The following CSMD1 variants were observed in gnomAD, a reference collection of about 807,000 sequenced individuals.
CSMD1 encodes the protein CUB and sushi domain-containing protein 1.
Under a neutral mutation model 417.5 loss-of-function variants are expected in CSMD1, and 213 were observed. The ratio of observed to expected loss-of-function variants is 0.51; its 90% CI spans 0.46 to 0.57. The LOEUF (loss-of-function observed/expected upper bound fraction) is 0.57. Among genes scored for constraint, CSMD1 ranks in the 20% least tolerant of loss-of-function variants. The pLI, the probability that CSMD1 is intolerant of heterozygous loss-of-function variation, is 0.00. For missense variants in CSMD1, 6,923 were observed against 4,529.7 expected (o/e 1.53, Z -15.17); for synonymous variants, 2,862 against 1,736.8 (o/e 1.65, Z -16.11).
chr8:4,246,096 G>A (rs1332281819), intron 3 of CSMD1, among the ~76,000 whole-genome samples: 1 of 152,028 alleles, frequency 6.6e-6, no homozygotes, highest in Non-Finnish European at 1.5e-5. Flanking sequence ...TATGTCATGG[G>A]AGTTTGTTGT....
chr8:3,219,459 T>C lies in CSMD1; in HGVS notation c.4485-17A>G, dbSNP rs1388101973. 3 of 1,431,120 alleles carry C rather than the reference T, an allele frequency of 2.1e-6. No individual in the cohort carries two copies. In the South Asian group the frequency reaches 4.4e-5, roughly 21 times the overall value. The allele number at this position is 1,431,120 out of a possible 1,614,324, so 88.7% of individuals were successfully genotyped here. A position where few individuals can be genotyped will look rare whatever the true frequency, so the allele number is the denominator to read the frequency against. ...ATGTTGAAACTAAAGAAAAGAATAGTAATTATGTCATACGGCTAACAGATA... is the reference window on the plus strand; with the variant it reads ...ATGTTGAAACTAAAGAAAAGAATAGCAATTATGTCATACGGCTAACAGATA... On this transcript the variant is annotated splice_polypyrimidine_tract_variant and intron_variant, in intron 28 of 69. Transcript: ENST00000635120.
rs1011657601 is a variant in CSMD1, at chr8:4,340,691, G to A, written c.415+79262C>T. ...CTAGAGAGTAGGCTGGAGTTTATTA[G>A]AAGTACATTTTAAACAAAATATCAG... On this transcript the variant is annotated intron_variant, in intron 3 of 69. Coordinates refer to ENST00000635120, the MANE Select transcript of CSMD1 (RefSeq NM_033225.6). Among the ~76,000 whole-genome samples, 3 of 152,114 alleles carry A rather than the reference G, an allele frequency of 2.0e-5. No individual in the cohort carries two copies. In the South Asian group the frequency reaches 6.2e-4, roughly 32 times the overall value.
At chr8:4,238,210 A>G (rs962905075) in intron 3 of CSMD1, among the ~76,000 whole-genome samples, 6 of 151,954 alleles carry the variant, frequency 3.9e-5, no homozygotes, top group Admixed American at 2.0e-4. Context: ...ACACACTCCC[A>G]CCCTATAAAA....
intron 37 of CSMD1, among the ~76,000 whole-genome samples, chr8:3,164,301 A>T (rs556211429): frequency 5.3e-5 from 8 of 152,338 alleles, no homozygotes; most frequent in African/African-American, 1.9e-4. Flanking sequence ...TTCTAAGTTG[A>T]AATAGATTTT....
At chr8:3,813,077 T>A (rs1801171731) in intron 5 of CSMD1, among the ~76,000 whole-genome samples, 1 of 148,714 alleles carries the variant, frequency 6.7e-6, no homozygotes, top group African/African-American at 2.5e-5. Flanking sequence ...CCAAGAAAAT[T>A]CTATTTTAAG....
intron 3 of CSMD1, among the ~76,000 whole-genome samples, chr8:4,268,199 G>A (rs1029151856): frequency 1.1e-4 from 16 of 152,126 alleles, no homozygotes; most frequent in Non-Finnish European, 2.1e-4. Flanking sequence ...TCACCATAAA[G>A]GATTATCATC....
In CSMD1 at chr8:3,566,859, A is replaced by G. The variant is rs181382790; in HGVS notation, c.1344+8086T>C. ...TGTAAACTAGGTTAACCTTTGTGGA[A>G]GGCAGCGTGGTGATTCCTGACATCT... On this transcript the variant is annotated intron_variant, in intron 10 of 69. Transcript: ENST00000635120. 2.5e-3 allele frequency among the ~76,000 whole-genome samples: 384 copies of G among 152,348 alleles called. 3 individuals carry two copies. The highest frequency in any genetic ancestry group is 8.9e-3 in the African/African-American group (372 of 41,590).
chr8:3,270,566 C>T (rs755906284), intron 26 of CSMD1, among the ~76,000 whole-genome samples: 2 of 152,158 alleles, frequency 1.3e-5, no homozygotes, highest in East Asian at 1.9e-4. Flanking sequence ...AGAACTTTAT[C>T]AAGAATTATA....
chr8:4,415,384 G>A (rs1382277540), intron 3 of CSMD1, among the ~76,000 whole-genome samples: 1 of 152,104 alleles, frequency 6.6e-6, no homozygotes, highest in African/African-American at 2.4e-5. Context: ...TCTTCCTTGA[G>A]ACCTTCTATT....
chr8:4,651,990 G>A (rs1412294299), intron 1 of CSMD1, among the ~76,000 whole-genome samples: 1 of 152,164 alleles, frequency 6.6e-6, no homozygotes, highest in African/African-American at 2.4e-5. Flanking sequence ...ATAATGAAAG[G>A]AGACTCAATT....
intron 10 of CSMD1, among the ~76,000 whole-genome samples, chr8:3,512,574 C>G (rs1797121168): frequency 6.6e-6 from 1 of 151,482 alleles, no homozygotes. Context: ...GAACCCTCTC[C>G]TCCAGGAGCT....
At chr8:4,347,624 G>C (rs1029684410) in intron 3 of CSMD1, among the ~76,000 whole-genome samples, 2 of 152,180 alleles carry the variant, frequency 1.3e-5, no homozygotes, top group African/African-American at 2.4e-5. Flanking sequence ...GAGTCTTCTA[G>C]TGCAAAAGCA....
chr8:4,141,211 A>G (rs1325227135), intron 3 of CSMD1, among the ~76,000 whole-genome samples: 2 of 151,170 alleles, frequency 1.3e-5, no homozygotes. Context: ...TATCAGAAAG[A>G]CTGGAAACCT....
At chr8:3,436,325 T>A (rs71521857) in intron 12 of CSMD1, among the ~76,000 whole-genome samples, 2 of 152,314 alleles carry the variant, frequency 1.3e-5, no homozygotes, top group African/African-American at 4.8e-5. Context: ...GTCCATGCCT[T>A]AGAAGCCATG....
intron 5 of CSMD1, among the ~76,000 whole-genome samples, chr8:3,896,580 C>T (rs1442298327): frequency 4.0e-5 from 6 of 151,834 alleles, no homozygotes; most frequent in South Asian, 2.1e-4. Context: ...GGCGTGATCT[C>T]GGCTCACCGC....
intron 7 of CSMD1, among the ~76,000 whole-genome samples, chr8:3,621,363 A>G (rs1394130947): frequency 1.3e-5 from 2 of 152,164 alleles, no homozygotes; most frequent in African/African-American, 4.8e-5. Context: ...AAGGACACAA[A>G]GAGGTTAAAA....
At chr8:3,881,031 T>C (rs1474278923) in intron 5 of CSMD1, among the ~76,000 whole-genome samples, 2 of 152,138 alleles carry the variant, frequency 1.3e-5, no homozygotes, top group African/African-American at 2.4e-5. Context: ...ACAATATCAA[T>C]AAAGCCTCAA....
rs572540447 is a variant in CSMD1, at chr8:4,406,791, G to A, written c.415+13162C>T. 2.0e-5 allele frequency among the ~76,000 whole-genome samples: 3 copies of A among 152,296 alleles called. No individual in the cohort carries two copies. In the South Asian group the frequency reaches 6.2e-4, roughly 32 times the overall value. On this transcript the variant is annotated intron_variant, in intron 3 of 69. Coordinates refer to ENST00000635120, the MANE Select transcript of CSMD1 (RefSeq NM_033225.6). ...TTTACTAGAACTCCTGAGTCATCTG[G>A]TGTTTGATGAAGGTGACTAACAAAG...
chr8:4,453,820 T>C (rs1438289540), intron 2 of CSMD1, among the ~76,000 whole-genome samples: 3 of 118,316 alleles, frequency 2.5e-5, no homozygotes, highest in Non-Finnish European at 5.1e-5. Context: ...GTTTCTTTTT[T>C]TTTTTTTTTT....
Sources: allele counts gnomAD v4.1 joint callset (sites outside exome capture counted in the v4.1 genomes callset), GRCh38; gene constraint gnomAD v4.1.1; transcripts MANE v1.5; gene names NCBI Gene and HGNC (gene_info 2026-07-23, HGNC 2026-07-21).